The following IMMP2L variants were observed in gnomAD, a reference collection of about 807,000 sequenced individuals.
IMMP2L encodes the protein inner mitochondrial membrane peptidase subunit 2.
Under a neutral mutation model 19.3 loss-of-function variants are expected in IMMP2L, and 18 were observed. The observed-to-expected ratio is 0.93, with a 90% CI of 0.64 to 1.38. IMMP2L has a LOEUF of 1.38. Among genes scored for constraint, IMMP2L ranks in the 40% most tolerant of loss-of-function variants. The pLI, the probability that IMMP2L is intolerant of heterozygous loss-of-function variation, is 0.00. For missense variants in IMMP2L, 233 were observed against 218.2 expected (o/e 1.07, Z -0.43); for synonymous variants, 76 against 73.0 (o/e 1.04, Z -0.21).
intron 3 of IMMP2L, among the ~76,000 whole-genome samples, chr7:111,310,914 T>C (rs1191947624): frequency 2.0e-5 from 3 of 152,200 alleles, no homozygotes; most frequent in South Asian, 2.1e-4. Context: ...CAGAGCATTA[T>C]GGTTTCTAAC....
intron 3 of IMMP2L, among the ~76,000 whole-genome samples, chr7:111,416,204 A>G (rs956240300): frequency 6.6e-6 from 1 of 151,886 alleles, no homozygotes; most frequent in Non-Finnish European, 1.5e-5. Flanking sequence ...TTGAAACTTT[A>G]TATACGATGC....
At chr7:110,865,263 G>C (rs1412275162) in intron 5 of IMMP2L, among the ~76,000 whole-genome samples, 1 of 151,976 alleles carries the variant, frequency 6.6e-6, no homozygotes, top group Non-Finnish European at 1.5e-5. Context: ...GATGGATTCT[G>C]ACAAACACTA....
At chr7:110,966,111 G>T (rs1006457031) in intron 3 of IMMP2L, among the ~76,000 whole-genome samples, 2 of 151,994 alleles carry the variant, frequency 1.3e-5, no homozygotes, top group Non-Finnish European at 2.9e-5. Flanking sequence ...TGTTATAGAA[G>T]AATATTTAGT....
chr7:110,857,096 A>G (rs1166113047), intron 5 of IMMP2L, among the ~76,000 whole-genome samples: 2 of 152,048 alleles, frequency 1.3e-5, no homozygotes, highest in Non-Finnish European at 2.9e-5. Context: ...GGCTTTTGGG[A>G]TAGCTATTTG....
rs77023689 is a variant in IMMP2L at position 111,545,287 on chromosome 7, C to T, written c.-3+16564G>A. Among the ~76,000 whole-genome samples, 323 of 152,242 alleles carry T rather than the reference C, an allele frequency of 2.1e-3. 3 individuals carry two copies. The highest frequency in any genetic ancestry group is 7.4e-3 in the African/African-American group (306 of 41,542). ...TGCATTTCCCTAATGATTAATGATG[C>T]TGAGCATCTTTTCATGCCCTTATTG... is the stretch of plus-strand genomic sequence containing the variant. On this transcript the variant is annotated intron_variant, in intron 1 of 5. Coordinates refer to ENST00000405709, the MANE Select transcript of IMMP2L (RefSeq NM_032549.4).
At chr7:110,902,624 A>G (rs1812005025) in intron 4 of IMMP2L, among the ~76,000 whole-genome samples, 2 of 148,610 alleles carry the variant, frequency 1.3e-5, no homozygotes, top group African/African-American at 5.0e-5. Flanking sequence ...TTTAATATCA[A>G]TCTAAAGAGT....
chr7:111,123,815 C>T lies in IMMP2L; in HGVS notation c.240-160250G>A, dbSNP rs527885827. On this transcript the variant is annotated intron_variant, in intron 3 of 5. Coordinates refer to ENST00000405709, the MANE Select transcript of IMMP2L (RefSeq NM_032549.4). The surrounding 1 kb of genome is among the most constrained non-coding windows in gnomAD (Gnocchi z 6.4). ...ATGCTGAACAGCAATGCTCTCAGTGCCCTGTACCATGGTACCATTGAGTCT... is the reference window on the plus strand; with the variant it reads ...ATGCTGAACAGCAATGCTCTCAGTGTCCTGTACCATGGTACCATTGAGTCT... 7 of 1,613,964 alleles carry T rather than the reference C, an allele frequency of 4.3e-6. No individual in the cohort carries two copies. The East Asian group carries it at 1.6e-4, about 36-fold the overall frequency.
intron 3 of IMMP2L, among the ~76,000 whole-genome samples, chr7:111,065,639 A>G (rs2129574852): frequency 6.6e-6 from 1 of 152,320 alleles, no homozygotes; most frequent in East Asian, 1.9e-4. Context: ...AAACATGAAA[A>G]GGCTAGACTG....
intron 4 of IMMP2L, among the ~76,000 whole-genome samples, chr7:110,960,754 C>A (rs1191142183): frequency 6.6e-6 from 1 of 151,636 alleles, no homozygotes; most frequent in Non-Finnish European, 1.5e-5. Flanking sequence ...AATAGACTTA[C>A]CCCTGACTAA....
At chr7:110,705,988 T>C (rs1794651383) in intron 5 of IMMP2L, among the ~76,000 whole-genome samples, 1 of 152,188 alleles carries the variant, frequency 6.6e-6, no homozygotes, top group Non-Finnish European at 1.5e-5. Flanking sequence ...GGTTGATTCC[T>C]TCTCTTTGCT....
intron 3 of IMMP2L, among the ~76,000 whole-genome samples, chr7:111,456,501 T>G (rs1283413051): frequency 6.6e-6 from 1 of 152,126 alleles, no homozygotes; most frequent in East Asian, 1.9e-4. Context: ...AGTTGTAATC[T>G]CTTTGAAGAC....
At chr7:111,249,967 T>C (rs1815894631) in intron 3 of IMMP2L, among the ~76,000 whole-genome samples, 1 of 152,192 alleles carries the variant, frequency 6.6e-6, no homozygotes. Flanking sequence ...AGTCAAATTA[T>C]CTTTGTTTGC....
chr7:111,490,157 G>T (rs1277624115), intron 2 of IMMP2L, among the ~76,000 whole-genome samples: 1 of 150,078 alleles, frequency 6.7e-6, no homozygotes, highest in Non-Finnish European at 1.5e-5. Flanking sequence ...GAGTGCACCG[G>T]CATGATCATA....
intron 3 of IMMP2L, among the ~76,000 whole-genome samples, chr7:111,026,061 G>C (rs897506578): frequency 2.6e-5 from 4 of 151,890 alleles, no homozygotes; most frequent in Non-Finnish European, 4.4e-5. Context: ...TGTGAAAACA[G>C]AAGAATTGTT....
chr7:110,681,025 C>A (rs1792680957), intron 5 of IMMP2L, among the ~76,000 whole-genome samples: 1 of 151,650 alleles, frequency 6.6e-6, no homozygotes, highest in Admixed American at 6.6e-5. Context: ...CTTCTAATTG[C>A]ATCTTTTCTT....
intron 3 of IMMP2L, among the ~76,000 whole-genome samples, chr7:111,254,736 C>T (rs886376424): frequency 6.6e-6 from 1 of 152,042 alleles, no homozygotes; most frequent in Admixed American, 6.6e-5. Context: ...GTCCCAGAGT[C>T]GTCCTGCAGA....
chr7:110,843,396 AG>A (rs1203168643), intron 5 of IMMP2L, among the ~76,000 whole-genome samples: 3 of 152,128 alleles, frequency 2.0e-5, no homozygotes, highest in Non-Finnish European at 4.4e-5. Context: ...ATGGGTATGG[AG>A]GGGGCCAGTC....
At chr7:110,986,882 T>C (rs1821917278) in intron 3 of IMMP2L, among the ~76,000 whole-genome samples, 1 of 151,864 alleles carries the variant, frequency 6.6e-6, no homozygotes. Flanking sequence ...ACATTGGCTA[T>C]AGGGCTCCAC....
chr7:111,172,131 A>G (rs2129609290), intron 3 of IMMP2L, among the ~76,000 whole-genome samples: 1 of 151,636 alleles, frequency 6.6e-6, no homozygotes, highest in Non-Finnish European at 1.5e-5. Flanking sequence ...TAAATAAATC[A>G]CATTTGTCAG....
Sources: allele counts gnomAD v4.1 joint callset (sites outside exome capture counted in the v4.1 genomes callset), GRCh38; gene constraint gnomAD v4.1.1; non-coding constraint Gnocchi (gnomAD v3.1); transcripts MANE v1.5; gene names NCBI Gene and HGNC (gene_info 2026-07-23, HGNC 2026-07-21).